GPR39: variants seen among roughly 807,000 people sequenced by gnomAD.
GPR39 encodes G protein-coupled receptor 39.
A neutral mutation model predicts 18.4 loss-of-function variants in GPR39; 23 were observed. That is an observed-to-expected ratio of 1.25 (90% CI 0.90 to 1.77). The LOEUF is 1.77. Ranked by LOEUF, GPR39 falls within the 40% of genes most tolerant of loss-of-function variation. The pLI, the probability that GPR39 is intolerant of heterozygous loss-of-function variation, is 0.00. For synonymous variants in GPR39, 280 were observed against 257.9 expected, an observed-to-expected ratio of 1.09 and a Z score of -0.82; for missense variants, 647 against 602.4, an observed-to-expected ratio of 1.07 and a Z score of -0.78.
chr2:132,592,543 A>G (rs552226890), intron 1 of GPR39, among the ~76,000 whole-genome samples: 1 of 152,300 alleles, frequency 6.6e-6, no homozygotes, highest in East Asian at 1.9e-4. Flanking sequence ...TTGGAGCTGG[A>G]TGCAGAGCCA....
intron 1 of GPR39, among the ~76,000 whole-genome samples, chr2:132,616,175 T>C (rs1257881533): frequency 6.6e-6 from 1 of 152,144 alleles, no homozygotes; most frequent in East Asian, 1.9e-4. Context: ...GGGACCACAC[T>C]TGGTTATTAT....
At chr2:132,450,595 C>T (rs1390222514) in intron 1 of GPR39, among the ~76,000 whole-genome samples, 1 of 152,196 alleles carries the variant, frequency 6.6e-6, no homozygotes, top group Non-Finnish European at 1.5e-5. Context: ...TCCTTTCTTT[C>T]CTGCTTCCTT....
chr2:132,609,917 C>A (rs1224824108), intron 1 of GPR39, among the ~76,000 whole-genome samples: 2 of 152,084 alleles, frequency 1.3e-5, no homozygotes, highest in East Asian at 1.9e-4. Context: ...GACCTTCCAG[C>A]TTTGTAACTT....
At chr2:132,461,256 G>A (rs1680825759) in intron 1 of GPR39, among the ~76,000 whole-genome samples, 1 of 152,032 alleles carries the variant, frequency 6.6e-6, no homozygotes, top group Non-Finnish European at 1.5e-5. Context: ...CTCGACTCTG[G>A]GCTCTTACCT....
intron 1 of GPR39, among the ~76,000 whole-genome samples, chr2:132,526,696 G>A (rs1422017288): frequency 1.3e-5 from 2 of 152,126 alleles, no homozygotes; most frequent in Non-Finnish European, 2.9e-5. Context: ...GCCTTTCCAT[G>A]TCCGTGGTGT....
chr2:132,473,095 C>T (rs1050326596), intron 1 of GPR39, among the ~76,000 whole-genome samples: 9 of 152,038 alleles, frequency 5.9e-5, no homozygotes, highest in Admixed American at 3.9e-4. Context: ...CCTGAATCAC[C>T]GGGTAAATAA....
At chr2:132,443,473 A>G (rs1680475590) in intron 1 of GPR39, among the ~76,000 whole-genome samples, 1 of 152,218 alleles carries the variant, frequency 6.6e-6, no homozygotes, top group African/African-American at 2.4e-5. Context: ...GAGATATTCA[A>G]CACTTTCCTA....
At chr2:132,541,664 G>A (rs1033682662) in intron 1 of GPR39, among the ~76,000 whole-genome samples, 1 of 152,052 alleles carries the variant, frequency 6.6e-6, no homozygotes, top group African/African-American at 2.4e-5. Context: ...GGTGGGGTGC[G>A]GGCAGAAGGC....
At chr2:132,576,433 A>C (rs1392044610) in intron 1 of GPR39, among the ~76,000 whole-genome samples, 1 of 152,144 alleles carries the variant, frequency 6.6e-6, no homozygotes, top group African/African-American at 2.4e-5. Flanking sequence ...CAGGCAGATC[A>C]CTTGAGCCCA....
chr2:132,524,820 CAT>C (rs1445136344), intron 1 of GPR39, among the ~76,000 whole-genome samples: 12 of 152,224 alleles, frequency 7.9e-5, no homozygotes, highest in African/African-American at 2.9e-4. Context: ...CACACTATCA[CAT>C]GTTACTGTGT....
chr2:132,545,693 C>T (rs1679936333), intron 1 of GPR39, among the ~76,000 whole-genome samples: 1 of 138,526 alleles, frequency 7.2e-6, no homozygotes, highest in Non-Finnish European at 1.5e-5. Flanking sequence ...TGTTAAAGCA[C>T]CTGATGATGA....
At chr2:132,533,355 C>G (rs566992918) in intron 1 of GPR39, among the ~76,000 whole-genome samples, 1 of 150,946 alleles carries the variant, frequency 6.6e-6, no homozygotes, top group African/African-American at 2.4e-5. Flanking sequence ...AGGATACAAA[C>G]AAATGGAAGA....
chr2:132,478,489 A>T (rs1336620277), intron 1 of GPR39, among the ~76,000 whole-genome samples: 1 of 152,226 alleles, frequency 6.6e-6, no homozygotes, highest in African/African-American at 2.4e-5. Flanking sequence ...AATGTTGTAT[A>T]ACCATTGGTT....
intron 1 of GPR39, among the ~76,000 whole-genome samples, chr2:132,472,066 G>A (rs1180080854): frequency 1.3e-5 from 2 of 152,072 alleles, no homozygotes; most frequent in Non-Finnish European, 2.9e-5. Context: ...TGACAAATTG[G>A]GCATTCAGCA....
chr2:132,622,806 G>A (rs1000349857), intron 1 of GPR39, among the ~76,000 whole-genome samples: 14 of 152,276 alleles, frequency 9.2e-5, no homozygotes, highest in African/African-American at 3.1e-4. Flanking sequence ...GAGCCACATT[G>A]TAGTAGATCA....
Position 132,509,451 on chromosome 2 carries a change from G to A in GPR39, c.856+91553G>A, listed in dbSNP as rs75302562. 7.5e-4 allele frequency among the ~76,000 whole-genome samples: 8 copies of A among 10,630 alleles called. No individual in the cohort carries two copies. In the East Asian group the frequency reaches 0.062, roughly 82 times the overall value. The allele number at this position is 10,630 out of a possible 152,430, so 7.0% of individuals were successfully genotyped here. A position where few individuals can be genotyped will look rare whatever the true frequency, so the allele number is the denominator to read the frequency against. ...TATCATATACACACTCACACACACA[G>A]ACACTCACTCGCACATGTCCCTCAC... is the stretch of plus-strand genomic sequence containing the variant. On this transcript the variant is annotated intron_variant, in intron 1 of 1. Coordinates refer to ENST00000329321, the MANE Select transcript of GPR39 (RefSeq NM_001508.3).
intron 1 of GPR39, among the ~76,000 whole-genome samples, chr2:132,492,512 T>TACAC (rs1338450000): frequency 1.5e-5 from 2 of 136,440 alleles, no homozygotes; most frequent in African/African-American, 5.4e-5. Flanking sequence ...ACACCATATA[T>TACAC]ACCATATATA....
At chr2:132,447,889 T>C (rs1680566063) in intron 1 of GPR39, among the ~76,000 whole-genome samples, 2 of 152,158 alleles carry the variant, frequency 1.3e-5, no homozygotes, top group African/African-American at 4.8e-5. Context: ...GAAAACTGAA[T>C]TTATTGTTTG....
rs771694706 is a variant in GPR39 at position 132,645,367 on chromosome 2, C to A, written c.1123C>A (p.Arg375Ser). 1 of 1,613,886 alleles carries A rather than the reference C, an allele frequency of 6.2e-7. No homozygotes were observed. Among genetic ancestry groups the A allele is most frequent in the Admixed American group, 1.7e-5 (1 of 60,016 alleles). ...LQHANHEKRL[R>S]VHAHSTTDSA... Reference sequence around the variant, plus strand: ...GCACGCCAACCACGAGAAGCGCCTGCGCGTACATGCGCACTCCACCACCGA... The same window carrying A: ...GCACGCCAACCACGAGAAGCGCCTGAGCGTACATGCGCACTCCACCACCGA... The change falls in exon 2 of 2, where the codon CGC becomes AGC. Residue 375 changes from arginine to serine, a missense_variant. Physicochemically the swap from Arg to Ser is moderately radical, Grantham distance 110. This residue lies in a region of GPR39 where 581 missense variants were observed against 506.8 expected (regional missense o/e 1.15). Coordinates refer to ENST00000329321, the MANE Select transcript of GPR39 (RefSeq NM_001508.3).
Sources: allele counts gnomAD v4.1 joint callset (sites outside exome capture counted in the v4.1 genomes callset), GRCh38; gene constraint gnomAD v4.1.1; regional missense constraint gnomAD v4.1.1; transcripts MANE v1.5; gene names NCBI Gene and HGNC (gene_info 2026-07-23, HGNC 2026-07-21).